The following TPST1 variants were observed in gnomAD, a reference collection of about 807,000 sequenced individuals.
TPST1 encodes tyrosylprotein sulfotransferase 1.
Under a neutral mutation model 34.8 loss-of-function variants are expected in TPST1, and 20 were observed. That is an observed-to-expected ratio of 0.57 (90% CI 0.40 to 0.84). The LOEUF is 0.84. Among genes scored for constraint, TPST1 ranks in the 40% least tolerant of loss-of-function variants. TPST1 has a pLI of 0.00. For synonymous variants in TPST1, 152 were observed against 159.4 expected (o/e 0.95, Z 0.35); for missense variants, 353 against 455.5 (o/e 0.78, Z 2.05).
At chr7:66,327,494 GGGTGGATCGCTTGAACCCA>G (rs1387365686) in intron 3 of TPST1, among the ~76,000 whole-genome samples, 1 of 152,122 alleles carries the variant, frequency 6.6e-6, no homozygotes, top group African/African-American at 2.4e-5. Flanking sequence ...AGGCCAAGGT[GGGTGGATCGCTTGAACCCA>G]GGAGTTTGAG....
intron 2 of TPST1, among the ~76,000 whole-genome samples, chr7:66,253,592 C>T (rs1202206910): frequency 6.6e-6 from 1 of 151,602 alleles, no homozygotes; most frequent in Non-Finnish European, 1.5e-5. Context: ...AGGATGGTCT[C>T]TCTCTCCTGA....
At chr7:66,348,806 C>A (rs575739797) in intron 3 of TPST1, among the ~76,000 whole-genome samples, 86 of 152,142 alleles carry the variant, frequency 5.7e-4, no homozygotes, top group Middle Eastern at 3.2e-3. Flanking sequence ...GGCATTTGTT[C>A]CCTGGAGGAT....
intron 2 of TPST1, among the ~76,000 whole-genome samples, chr7:66,283,546 A>G (rs1354745864): frequency 1.3e-5 from 2 of 152,194 alleles, no homozygotes; most frequent in Non-Finnish European, 2.9e-5. Context: ...GTGTTCCAGT[A>G]AACTTTACTT....
At chr7:66,267,139 G>A (rs1207098234) in intron 2 of TPST1, among the ~76,000 whole-genome samples, 2 of 152,140 alleles carry the variant, frequency 1.3e-5, no homozygotes, top group African/African-American at 4.8e-5. Flanking sequence ...TTCAATTATA[G>A]TTTCATTTTT....
At chr7:66,337,728 A>G (rs774063006) in intron 3 of TPST1, among the ~76,000 whole-genome samples, 3 of 152,242 alleles carry the variant, frequency 2.0e-5, no homozygotes, top group Admixed American at 1.3e-4. Flanking sequence ...GTGTTAAAGT[A>G]TAGAGTTTTT....
chr7:66,238,704 T>C (rs923130853), intron 1 of TPST1, among the ~76,000 whole-genome samples: 12 of 152,246 alleles, frequency 7.9e-5, no homozygotes, highest in African/African-American at 2.9e-4. Context: ...ATCTAAAATA[T>C]ACCTTCACAG....
intron 3 of TPST1, among the ~76,000 whole-genome samples, chr7:66,312,612 AT>A (rs1364378017): frequency 6.6e-6 from 1 of 152,218 alleles, no homozygotes; most frequent in Non-Finnish European, 1.5e-5. Flanking sequence ...AAATGAAGAT[AT>A]GAAAAGCTCT....
intron 2 of TPST1, among the ~76,000 whole-genome samples, chr7:66,246,076 T>C (rs1790140850): frequency 6.6e-6 from 1 of 151,850 alleles, no homozygotes; most frequent in Non-Finnish European, 1.5e-5. Flanking sequence ...AGTGGCAAGA[T>C]TGTAGCTCAC....
chr7:66,316,144 A>C (rs1246456147), intron 3 of TPST1, among the ~76,000 whole-genome samples: 1 of 152,088 alleles, frequency 6.6e-6, no homozygotes, highest in African/African-American at 2.4e-5. Flanking sequence ...TTCACTGCGT[A>C]ATTTTAAAAA....
At chr7:66,247,872 G>A (rs1481853118) in intron 2 of TPST1, among the ~76,000 whole-genome samples, 1 of 152,160 alleles carries the variant, frequency 6.6e-6, no homozygotes, top group Non-Finnish European at 1.5e-5. Flanking sequence ...AGGACCTAAG[G>A]AACAACTACG....
At chr7:66,217,710 G>T (rs765341563) in intron 1 of TPST1, among the ~76,000 whole-genome samples, 2 of 151,270 alleles carry the variant, frequency 1.3e-5, no homozygotes, top group East Asian at 3.9e-4. Context: ...TCAGCCTCCC[G>T]AGTAGCTGGG....
At chr7:66,356,788 T>G in intron 4 of TPST1, 37 bp from the exon 5 acceptor site, 1 of 1,614,048 alleles carries the variant, frequency 6.2e-7, no homozygotes, top group Non-Finnish European at 8.5e-7. Flanking sequence ...CTGACCAACT[T>G]CAAGGACATT....
At chr7:66,214,662 T>C (rs979924776) in intron 1 of TPST1, among the ~76,000 whole-genome samples, 1 of 150,370 alleles carries the variant, frequency 6.7e-6, no homozygotes, top group Non-Finnish European at 1.5e-5. Flanking sequence ...TAAAAAAATA[T>C]GAAAATTAGC....
intron 2 of TPST1, among the ~76,000 whole-genome samples, chr7:66,258,016 T>A (rs546667467): frequency 6.6e-6 from 1 of 152,336 alleles, no homozygotes; most frequent in South Asian, 2.1e-4. Flanking sequence ...CCCAACTTGG[T>A]AATGATTTAT....
chr7:66,206,771 C>A (rs192830636), intron 1 of TPST1, among the ~76,000 whole-genome samples: 12 of 152,194 alleles, frequency 7.9e-5, no homozygotes, highest in Admixed American at 3.9e-4. Context: ...TATCTATTAG[C>A]TGGATAGTCC....
chr7:66,338,253 C>T (rs1016513640), intron 3 of TPST1, among the ~76,000 whole-genome samples: 21 of 151,930 alleles, frequency 1.4e-4, no homozygotes, highest in African/African-American at 3.6e-4. Context: ...CATTATATAA[C>T]GACAAAGGGG....
At chr7:66,215,358 C>T (rs1789371712) in intron 1 of TPST1, among the ~76,000 whole-genome samples, 1 of 149,454 alleles carries the variant, frequency 6.7e-6, no homozygotes, top group Non-Finnish European at 1.5e-5. Flanking sequence ...ATACCTGACC[C>T]TAATATTATA....
chr7:66,297,097 T>G (rs562054125), intron 3 of TPST1, among the ~76,000 whole-genome samples: 10 of 152,322 alleles, frequency 6.6e-5, no homozygotes, highest in Admixed American at 5.2e-4. Context: ...AGCCACAATT[T>G]CAGTGGATGC....
intron 2 of TPST1, among the ~76,000 whole-genome samples, chr7:66,273,580 A>G (rs1790745160): frequency 6.6e-6 from 1 of 152,184 alleles, no homozygotes; most frequent in Non-Finnish European, 1.5e-5. Context: ...AAACAGACAT[A>G]TAAACGAATG....
Sources: allele counts gnomAD v4.1 joint callset (sites outside exome capture counted in the v4.1 genomes callset), GRCh38; gene constraint gnomAD v4.1.1; transcripts MANE v1.5; gene names NCBI Gene and HGNC (gene_info 2026-07-23, HGNC 2026-07-21).